Variants in LRRTM4 observed in about 807,000 individuals in gnomAD.
LRRTM4 encodes the protein leucine rich repeat transmembrane neuronal 4.
A neutral mutation model predicts 47.6 loss-of-function variants in LRRTM4; 25 were observed. The ratio of observed to expected loss-of-function variants is 0.53; its 90% CI spans 0.38 to 0.73. LRRTM4 has a LOEUF of 0.73. LRRTM4 is among the 30% of genes least tolerant of loss of function. The pLI, the probability that LRRTM4 is intolerant of heterozygous loss-of-function variation, is 0.00. For missense variants in LRRTM4, 638 were observed against 713.4 expected (o/e 0.89, Z 1.20); for synonymous variants, 311 against 269.5 (o/e 1.15, Z -1.51).
chr2:77,138,813 T>C (rs1247775047), intron 3 of LRRTM4, among the ~76,000 whole-genome samples: 4 of 152,006 alleles, frequency 2.6e-5, no homozygotes, highest in African/African-American at 9.7e-5. Flanking sequence ...CCCACAGAAA[T>C]ATAAATTACC....
At chr2:77,248,101 T>C (rs948667932) in intron 3 of LRRTM4, among the ~76,000 whole-genome samples, 2 of 150,970 alleles carry the variant, frequency 1.3e-5, no homozygotes, top group African/African-American at 4.8e-5. Context: ...GTTACATAAA[T>C]ATGTATATAT....
intron 3 of LRRTM4, among the ~76,000 whole-genome samples, chr2:76,821,678 G>C (rs1671056730): frequency 6.6e-6 from 1 of 151,724 alleles, no homozygotes; most frequent in Non-Finnish European, 1.5e-5. Context: ...TTTATTAAAT[G>C]CTTTGGTATT....
intron 3 of LRRTM4, among the ~76,000 whole-genome samples, chr2:76,752,948 C>T (rs890502108): frequency 2.0e-5 from 3 of 152,204 alleles, no homozygotes; most frequent in African/African-American, 7.2e-5. Context: ...GAACACTTGA[C>T]TGCTCATTGA....
chr2:76,833,092 G>T (rs1306514093), intron 3 of LRRTM4, among the ~76,000 whole-genome samples: 2 of 152,080 alleles, frequency 1.3e-5, no homozygotes, highest in Non-Finnish European at 2.9e-5. Flanking sequence ...ATGGAACTGT[G>T]CGTGAAATAC....
intron 3 of LRRTM4, 173 bp downstream of exon 3, chr2:77,518,144 AG>A: frequency 8.0e-7 from 1 of 1,245,670 alleles, no homozygotes; most frequent in Non-Finnish European, 1.0e-6. Flanking sequence ...AAAAAAAAAA[AG>A]CAGTCAATTT....
intron 3 of LRRTM4, among the ~76,000 whole-genome samples, chr2:77,444,260 G>A (rs978861678): frequency 1.3e-5 from 2 of 152,078 alleles, no homozygotes; most frequent in Non-Finnish European, 2.9e-5. Context: ...GACAGATGTG[G>A]ATCACATGGG....
intron 3 of LRRTM4, among the ~76,000 whole-genome samples, chr2:77,021,403 G>A (rs1265279032): frequency 6.6e-6 from 1 of 152,118 alleles, no homozygotes; most frequent in Non-Finnish European, 1.5e-5. Flanking sequence ...ACTCACTTCT[G>A]TCATCTACAC....
At chr2:77,312,597 A>G (rs927848311) in intron 3 of LRRTM4, among the ~76,000 whole-genome samples, 1 of 152,048 alleles carries the variant, frequency 6.6e-6, no homozygotes, top group Non-Finnish European at 1.5e-5. Context: ...AACTCTGCAT[A>G]ATTACGTATT....
At chr2:77,185,732 C>T (rs1369067917) in intron 3 of LRRTM4, among the ~76,000 whole-genome samples, 1 of 152,050 alleles carries the variant, frequency 6.6e-6, no homozygotes, top group African/African-American at 2.4e-5. Context: ...CTACACTATC[C>T]CCTGAGAATT....
chr2:77,238,893 C>T (rs1016161499), intron 3 of LRRTM4, among the ~76,000 whole-genome samples: 1 of 151,858 alleles, frequency 6.6e-6, no homozygotes, highest in African/African-American at 2.4e-5. Flanking sequence ...TGGGGACAAA[C>T]TAATGCTAAG....
intron 3 of LRRTM4, among the ~76,000 whole-genome samples, chr2:77,116,789 CA>C (rs1007469059): frequency 6.6e-6 from 1 of 152,008 alleles, no homozygotes; most frequent in African/African-American, 2.4e-5. Flanking sequence ...TTTCTGTTTT[CA>C]AAAGCAATCA....
intron 3 of LRRTM4, among the ~76,000 whole-genome samples, chr2:77,144,857 A>G (rs1335628178): frequency 6.6e-6 from 1 of 152,180 alleles, no homozygotes; most frequent in Non-Finnish European, 1.5e-5. Context: ...TATTGACAGA[A>G]CTGTTGTAAG....
chr2:77,450,973 A>G (rs1042337494), intron 3 of LRRTM4, among the ~76,000 whole-genome samples: 2 of 152,192 alleles, frequency 1.3e-5, no homozygotes, highest in Admixed American at 6.5e-5. Flanking sequence ...CTAACTAAGT[A>G]TAACTTTCCA....
At position 77,429,963 on chromosome 2, in the gene LRRTM4, G is replaced by C. The variant is rs979943808; in HGVS notation, c.1551+88355C>G. Among the ~76,000 whole-genome samples the C allele has an allele frequency of 2.6e-5, 4 of 152,150 alleles. No homozygotes were observed. The East Asian group carries it at 7.7e-4, about 29-fold the overall frequency. On this transcript the variant is annotated intron_variant, in intron 3 of 3. Coordinates refer to ENST00000409884, the MANE Select transcript of LRRTM4 (RefSeq NM_001134745.3). ...TGCCTGTAATTCCAGATACTCAGGA[G>C]GCTGAGGCAGGGGAATCACTTGGAC...
intron 3 of LRRTM4, among the ~76,000 whole-genome samples, chr2:77,028,109 G>A (rs1163377249): frequency 6.6e-6 from 1 of 152,014 alleles, no homozygotes. Flanking sequence ...ATTTATTGCA[G>A]TATCTCTGTT....
At chr2:77,153,509 T>C (rs1485340920) in intron 3 of LRRTM4, among the ~76,000 whole-genome samples, 2 of 152,210 alleles carry the variant, frequency 1.3e-5, no homozygotes, top group African/African-American at 4.8e-5. Context: ...AATACAGTTA[T>C]TACCATGAAA....
At chr2:77,098,696 A>G (rs1670873134) in intron 3 of LRRTM4, among the ~76,000 whole-genome samples, 1 of 129,618 alleles carries the variant, frequency 7.7e-6, no homozygotes, top group Non-Finnish European at 1.6e-5. Context: ...CTACAATAAA[A>G]TGACTATACA....
intron 3 of LRRTM4, among the ~76,000 whole-genome samples, chr2:77,300,204 A>G (rs1677096344): frequency 6.6e-6 from 1 of 152,192 alleles, no homozygotes; most frequent in African/African-American, 2.4e-5. Flanking sequence ...AGTACCTAAA[A>G]GCAATGACTT....
At chr2:77,234,199 T>C (rs970837683) in intron 3 of LRRTM4, among the ~76,000 whole-genome samples, 3 of 152,212 alleles carry the variant, frequency 2.0e-5, no homozygotes, top group African/African-American at 7.2e-5. Context: ...AAAACCCAAA[T>C]CATATAAACG....
Sources: gnomAD v4.1 joint callset for allele counts (sites outside exome capture counted in the v4.1 genomes callset) on GRCh38, gnomAD v4.1.1 for gene constraint, MANE v1.5 for transcripts, NCBI Gene and HGNC (gene_info 2026-07-23, HGNC 2026-07-21) for gene names.